DAB2IP: variants seen among roughly 807,000 people sequenced by gnomAD.
The protein encoded by DAB2IP is DAB2 interacting protein.
In DAB2IP, 28 loss-of-function variants were observed where a neutral mutation model predicts 107.2. The ratio of observed to expected loss-of-function variants is 0.26; its 90% CI spans 0.19 to 0.36. The LOEUF (loss-of-function observed/expected upper bound fraction) is 0.36. Among genes scored for constraint, DAB2IP ranks in the 10% least tolerant of loss-of-function variants. DAB2IP has a pLI of 1.00. For missense variants in DAB2IP, 1,400 were observed against 1,644.7 expected (o/e 0.85, Z 2.57); for synonymous variants, 755 against 706.4 (o/e 1.07, Z -1.09).
intron 1 of DAB2IP, among the ~76,000 whole-genome samples, chr9:121,580,925 G>A (rs989385563): frequency 2.0e-5 from 3 of 152,124 alleles, no homozygotes; most frequent in Non-Finnish European, 4.4e-5. Flanking sequence ...GCGCCTGGCC[G>A]CCCATCTAAG....
intron 3 of DAB2IP, among the ~76,000 whole-genome samples, chr9:121,721,480 C>T (rs928144945): frequency 1.3e-5 from 2 of 152,224 alleles, no homozygotes; most frequent in African/African-American, 2.4e-5. Context: ...CATGTCCTGC[C>T]TGTTGTGACA....
intron 1 of DAB2IP, among the ~76,000 whole-genome samples, chr9:121,602,877 T>C (rs527959232): frequency 4.7e-4 from 71 of 152,272 alleles, no homozygotes; most frequent in African/African-American, 1.7e-3. Context: ...GCCTGGCCAA[T>C]TTTTTAATTT....
intron 1 of DAB2IP, among the ~76,000 whole-genome samples, chr9:121,619,959 T>C (rs546520539): frequency 1.3e-5 from 2 of 152,296 alleles, no homozygotes; most frequent in Admixed American, 6.5e-5. Context: ...GGATACAACA[T>C]TGGGTTGGTG....
Position 121,782,595 on chromosome 9 carries a change from A to T in DAB2IP, c.*97A>T. 1 of 1,540,424 alleles carries T rather than the reference A, an allele frequency of 6.5e-7. No individual in the cohort carries two copies. The highest frequency in any genetic ancestry group is 2.3e-5 in the East Asian group (1 of 44,042). On this transcript the variant is annotated 3_prime_UTR_variant, in exon 16 of 16. Coordinates refer to ENST00000408936, the Ensembl canonical transcript of DAB2IP. The surrounding 1 kb of genome is among the most constrained non-coding windows in gnomAD (Gnocchi z 6.1). The stretch of plus-strand genomic sequence containing the variant: ...GGGAGGCACCCACGGTTGCAGCCCC[A>T]GCGCGGGTGTCAGGAGGCCGAGCCT...
intron 1 of DAB2IP, among the ~76,000 whole-genome samples, chr9:121,593,336 T>G (rs1475002930): frequency 6.6e-6 from 1 of 152,142 alleles, no homozygotes; most frequent in Non-Finnish European, 1.5e-5. Flanking sequence ...GGCGTGGACA[T>G]GACTCACTAT....
chr9:121,770,666 G>GGCA (rs768451310), exon 11 of DAB2IP: 31 of 1,614,028 alleles, frequency 1.9e-5, no homozygotes, highest in African/African-American at 1.2e-4. Flanking sequence ...ACCGGGCTCT[G>GGCA]GCAGCAGCAG....
In DAB2IP at chr9:121,772,316, T is replaced by C. The variant is rs1834820193; in HGVS notation, c.2079-291T>C. On this transcript the variant is annotated intron_variant, in intron 11 of 15. Transcript: ENST00000408936. The surrounding 1 kb of genome is among the most constrained non-coding windows in gnomAD (Gnocchi z 4.7). ...TTTTCCAGAGCAAGCCAGGCCCCAG[T>C]ACCCATTGTCCCAAGATGCAGCTGA... 6.6e-6 allele frequency among the ~76,000 whole-genome samples: 1 copy of C among 152,144 alleles called. No individual in the cohort carries two copies. Among genetic ancestry groups the C allele is most frequent in the Non-Finnish European group, 1.5e-5 (1 of 68,016 alleles).
intron 1 of DAB2IP, among the ~76,000 whole-genome samples, chr9:121,668,786 G>A (rs1279152417): frequency 2.0e-5 from 3 of 151,994 alleles, no homozygotes; most frequent in South Asian, 4.1e-4. Context: ...CAAGTTTTTG[G>A]CTACTGTGTA....
chr9:121,571,022 A>T (rs1267247273), intron 1 of DAB2IP, among the ~76,000 whole-genome samples: 2 of 151,902 alleles, frequency 1.3e-5, no homozygotes, highest in East Asian at 3.9e-4. Flanking sequence ...GCTTCCCGCC[A>T]TCAGATCTGA....
intron 1 of DAB2IP, among the ~76,000 whole-genome samples, chr9:121,579,091 C>T (rs1830133719): frequency 6.6e-6 from 1 of 152,152 alleles, no homozygotes; most frequent in Non-Finnish European, 1.5e-5. Context: ...CCCGCACCAT[C>T]AGATCTCTGC....
chr9:121,762,121 T>C (rs1306884122), intron 6 of DAB2IP, among the ~76,000 whole-genome samples: 1 of 152,138 alleles, frequency 6.6e-6, no homozygotes, highest in Non-Finnish European at 1.5e-5. Context: ...CCTGGAATAC[T>C]TGGGAACTAG....
rs1427184134 is a variant in DAB2IP, at chr9:121,699,194, GCCGAGC to G, written c.229-121_229-116del. The G allele has an allele frequency of 8.3e-6, 8 of 967,490 alleles. No individual in the cohort carries two copies. The East Asian group carries it at 4.7e-4, about 57-fold the overall frequency. 59.9% of individuals were successfully genotyped at this position (967,490 alleles called of 1,614,324 possible). On this transcript the variant is annotated intron_variant, in intron 2 of 15. Coordinates refer to ENST00000408936, the Ensembl canonical transcript of DAB2IP. The surrounding 1 kb of genome is among the most constrained non-coding windows in gnomAD (Gnocchi z 6.2). ...GCGGCGCGGGCCGCGAGCTGCTGGG[GCCGAGC>G]CCGAGCCCGGCCCGCCCTCGGCCGC...
chr9:121,767,981 CAGG>C (rs1323381616), intron 9 of DAB2IP, among the ~76,000 whole-genome samples: 1 of 151,924 alleles, frequency 6.6e-6, no homozygotes, highest in African/African-American at 2.4e-5. Context: ...GTAGGGAGCT[CAGG>C]AGGAGGGCAT....
Position 121,763,653 on chromosome 9 carries a change from G to A in DAB2IP, c.1315+4G>A, listed in dbSNP as rs764679612. On this transcript the variant is annotated splice_donor_region_variant and intron_variant, in intron 7 of 15. Coordinates refer to ENST00000408936, the Ensembl canonical transcript of DAB2IP. ...AAGTACCTGCAGGACGCCCTAGGTA[G>A]GGAGTGGGCCAGCAGCAGGGCAGAG... 3 of 1,612,858 alleles carry A rather than the reference G, an allele frequency of 1.9e-6. No homozygotes were observed. The South Asian group carries it at 3.3e-5, about 18-fold the overall frequency.
At chr9:121,673,256 T>C (rs1174569819) in intron 1 of DAB2IP, among the ~76,000 whole-genome samples, 1 of 152,184 alleles carries the variant, frequency 6.6e-6, no homozygotes, top group Non-Finnish European at 1.5e-5. Context: ...CCCCTCCATC[T>C]TCTCTGGGGC....
intron 3 of DAB2IP, among the ~76,000 whole-genome samples, chr9:121,711,343 T>C (rs927627169): frequency 1.3e-4 from 20 of 152,182 alleles, no homozygotes; most frequent in African/African-American, 4.6e-4. Flanking sequence ...GATGTTTTAC[T>C]CCAGTGGGGT....
At chr9:121,666,878 AC>A in intron 1 of DAB2IP, among the ~76,000 whole-genome samples, 2 of 98,998 alleles carry the variant, frequency 2.0e-5, no homozygotes, top group Non-Finnish European at 5.3e-5. Context: ...ACACACACAC[AC>A]ACACACACAC....
At position 121,698,298 on chromosome 9, in the gene DAB2IP, C is replaced by T. The variant is rs1374207559; in HGVS notation, c.229-1027C>T. Among the ~76,000 whole-genome samples the T allele has an allele frequency of 6.6e-6, 1 of 152,098 alleles. No individual in the cohort carries two copies. Among genetic ancestry groups the T allele is most frequent in the Non-Finnish European group, 1.5e-5 (1 of 68,032 alleles). On this transcript the variant is annotated intron_variant, in intron 2 of 15. Transcript: ENST00000408936. The surrounding 1 kb of genome is among the most constrained non-coding windows in gnomAD (Gnocchi z 4.1). ...TCAAGCTGCCTGTAGTTTCCAAGCC[C>T]GGCAGGACACAGGCTGTGTCCCCTG...
chr9:121,642,674 G>A (rs913315280), intron 1 of DAB2IP, among the ~76,000 whole-genome samples: 12 of 150,310 alleles, frequency 8.0e-5, no homozygotes, highest in Admixed American at 6.6e-4. Flanking sequence ...CATGCACCTC[G>A]TTCATCACAC....
Sources: allele counts gnomAD v4.1 joint callset (sites outside exome capture counted in the v4.1 genomes callset), GRCh38; gene constraint gnomAD v4.1.1; non-coding constraint Gnocchi (gnomAD v3.1); transcripts MANE v1.5; gene names NCBI Gene and HGNC (gene_info 2026-07-23, HGNC 2026-07-21).